The following CCSER1 variants were observed in gnomAD, a reference collection of about 807,000 sequenced individuals.
The protein encoded by CCSER1 is serine-rich coiled-coil domain-containing protein 1.
In CCSER1, 41 loss-of-function variants were observed where a neutral mutation model predicts 82.0. The ratio of observed to expected loss-of-function variants is 0.50; its 90% CI spans 0.39 to 0.65. The LOEUF is 0.65. Among genes scored for constraint, CCSER1 ranks in the 30% least tolerant of loss-of-function variants. CCSER1 has a pLI of 0.00. For synonymous variants in CCSER1, 414 were observed against 383.9 expected (o/e 1.08, Z -0.92); for missense variants, 1,119 against 1,064.2 (o/e 1.05, Z -0.72).
intron 10 of CCSER1, among the ~76,000 whole-genome samples, chr4:91,567,817 CA>C (rs2110274066): frequency 6.6e-6 from 1 of 152,190 alleles, no homozygotes; most frequent in Non-Finnish European, 1.5e-5. Flanking sequence ...CTTTCATACA[CA>C]GCTTGCCACT....
intron 10 of CCSER1, among the ~76,000 whole-genome samples, chr4:91,130,328 A>G (rs1174012661): frequency 6.6e-6 from 1 of 151,922 alleles, no homozygotes; most frequent in African/African-American, 2.4e-5. Flanking sequence ...TGTAATAACC[A>G]ACATTTACAT....
At chr4:90,748,038 C>CTTT (rs397972944) in intron 7 of CCSER1, among the ~76,000 whole-genome samples, 226 of 141,398 alleles carry the variant, frequency 1.6e-3, no homozygotes, top group East Asian at 0.013. Context: ...ACATTTTCTT[C>CTTT]TTTTTTTTTT....
chr4:90,391,880 T>C (rs1751227128), intron 3 of CCSER1, among the ~76,000 whole-genome samples: 1 of 152,078 alleles, frequency 6.6e-6, no homozygotes, highest in Non-Finnish European at 1.5e-5. Flanking sequence ...CCCCTTACCA[T>C]GTTTATCACC....
intron 10 of CCSER1, among the ~76,000 whole-genome samples, chr4:91,378,852 G>A (rs1750646335): frequency 6.6e-6 from 1 of 152,102 alleles, no homozygotes; most frequent in South Asian, 2.1e-4. Flanking sequence ...AATGCTTCCA[G>A]TTTTTGCCCA....
chr4:90,567,793 G>T (rs1035058989), intron 5 of CCSER1, among the ~76,000 whole-genome samples: 3 of 151,836 alleles, frequency 2.0e-5, no homozygotes, highest in Non-Finnish European at 2.9e-5. Context: ...TTTATATAGA[G>T]ACAGAGTTTT....
At chr4:90,363,854 T>A (rs1745815820) in intron 3 of CCSER1, among the ~76,000 whole-genome samples, 2 of 152,122 alleles carry the variant, frequency 1.3e-5, no homozygotes, top group South Asian at 4.1e-4. Context: ...AAAATTTTCC[T>A]ATAGATACAT....
intron 10 of CCSER1, among the ~76,000 whole-genome samples, chr4:91,395,592 C>T (rs1469442584): frequency 3.3e-5 from 5 of 151,928 alleles, no homozygotes; most frequent in Non-Finnish European, 5.9e-5. Context: ...AGGGGGTCTA[C>T]TTAATTTGTC....
intron 10 of CCSER1, among the ~76,000 whole-genome samples, chr4:91,371,724 G>A (rs1350730065): frequency 2.0e-5 from 3 of 152,086 alleles, no homozygotes; most frequent in Non-Finnish European, 1.5e-5. Context: ...ACAATCTCTA[G>A]TAGCAAGTAA....
At chr4:90,780,529 T>A in intron 7 of CCSER1, 1 of 1,589,984 alleles carries the variant, frequency 6.3e-7, no homozygotes, top group Non-Finnish European at 8.5e-7. Context: ...CCATGACTTA[T>A]TCAAAAGTTG....
intron 3 of CCSER1, among the ~76,000 whole-genome samples, chr4:90,395,235 G>A (rs1366421466): frequency 6.6e-6 from 1 of 152,174 alleles, no homozygotes; most frequent in Non-Finnish European, 1.5e-5. Flanking sequence ...CATCCATGTT[G>A]TTGTAAATGA....
intron 10 of CCSER1, among the ~76,000 whole-genome samples, chr4:91,413,485 CAGAACA>C (rs1363182664): frequency 1.3e-5 from 2 of 149,236 alleles, no homozygotes; most frequent in Non-Finnish European, 3.0e-5. Context: ...ATAGGCCAAT[CAGAACA>C]AGAACAACAA....
intron 5 of CCSER1, among the ~76,000 whole-genome samples, chr4:90,492,432 G>T (rs1385583459): frequency 6.6e-6 from 1 of 151,802 alleles, no homozygotes; most frequent in Non-Finnish European, 1.5e-5. Flanking sequence ...GTCTGGCTAG[G>T]AGACTATCAA....
intron 9 of CCSER1, among the ~76,000 whole-genome samples, chr4:90,925,885 T>C (rs1728998541): frequency 6.6e-6 from 1 of 152,080 alleles, no homozygotes; most frequent in Non-Finnish European, 1.5e-5. Context: ...ATTTCTAAAA[T>C]ATGCATGTAA....
intron 8 of CCSER1, among the ~76,000 whole-genome samples, chr4:90,901,743 G>A (rs1724688499): frequency 6.6e-6 from 1 of 151,872 alleles, no homozygotes; most frequent in African/African-American, 2.4e-5. Flanking sequence ...GTTGACCTTG[G>A]ATAATCTCAT....
intron 5 of CCSER1, among the ~76,000 whole-genome samples, chr4:90,586,509 G>T (rs1296470152): frequency 1.4e-4 from 21 of 152,084 alleles, no homozygotes; most frequent in Admixed American, 1.4e-3. Flanking sequence ...GCCAAAACTG[G>T]TTCAAAGGAT....
At chr4:90,275,258 G>GA (rs1727331507) in intron 1 of CCSER1, among the ~76,000 whole-genome samples, 7 of 152,166 alleles carry the variant, frequency 4.6e-5, no homozygotes, top group Admixed American at 1.3e-4. Context: ...TTAAGAATGA[G>GA]TTTTCAAACA....
chr4:90,268,912 A>G (rs1312840071), intron 1 of CCSER1, among the ~76,000 whole-genome samples: 1 of 152,192 alleles, frequency 6.6e-6, no homozygotes, highest in African/African-American at 2.4e-5. Context: ...TACATCAGAC[A>G]AAATAGATTT....
intron 10 of CCSER1, among the ~76,000 whole-genome samples, chr4:91,463,997 C>T (rs933752236): frequency 1.3e-5 from 2 of 152,120 alleles, no homozygotes; most frequent in South Asian, 4.1e-4. Flanking sequence ...TCAGGAAATA[C>T]AGAGAATGCC....
At chr4:91,571,728 G>A (rs949598565) in intron 10 of CCSER1, among the ~76,000 whole-genome samples, 1 of 152,150 alleles carries the variant, frequency 6.6e-6, no homozygotes, top group Non-Finnish European at 1.5e-5. Context: ...ACACAGCTAA[G>A]CTATATCAGG....
Sources: gnomAD v4.1 joint callset for allele counts (sites outside exome capture counted in the v4.1 genomes callset) on GRCh38, gnomAD v4.1.1 for gene constraint, MANE v1.5 for transcripts, NCBI Gene and HGNC (gene_info 2026-07-23, HGNC 2026-07-21) for gene names.